Variants in TAF2 observed in about 807,000 individuals in gnomAD.
TAF2 encodes TATA-box binding protein associated factor 2.
Under a neutral mutation model 138.5 loss-of-function variants are expected in TAF2, and 61 were observed. The observed-to-expected ratio is 0.44, with a 90% CI of 0.36 to 0.54. The LOEUF (loss-of-function observed/expected upper bound fraction) is 0.54, where lower values mean the gene tolerates loss of function less well. TAF2 is among the 20% of genes least tolerant of loss of function. TAF2 has a pLI of 0.00. For missense variants in TAF2, 1,090 were observed against 1,427.9 expected (o/e 0.76, Z 3.81); for synonymous variants, 475 against 469.9 (o/e 1.01, Z -0.14).
intron 6 of TAF2, among the ~76,000 whole-genome samples, chr8:119,800,320 A>G (rs1429174302): frequency 1.3e-5 from 2 of 152,192 alleles, no homozygotes; most frequent in Non-Finnish European, 2.9e-5. Flanking sequence ...TAACTTTTGT[A>G]TAAGGTGTAA....
chr8:119,831,535 T>C (rs7828086), intron 2 of TAF2, 142 bp downstream of exon 2: 146,077 of 578,044 alleles, frequency 0.25, 21,523 homozygotes, highest in African/African-American at 0.47. Flanking sequence ...CTTGTAATCA[T>C]ACAGACCCTA....
intron 2 of TAF2, among the ~76,000 whole-genome samples, chr8:119,822,224 T>C (rs921203851): frequency 1.3e-5 from 2 of 151,938 alleles, no homozygotes; most frequent in Admixed American, 1.3e-4. Context: ...TTGCCTTTTT[T>C]TTTTCTTTTT....
At chr8:119,785,833 T>C (rs550511323) in intron 14 of TAF2, among the ~76,000 whole-genome samples, 1 of 152,304 alleles carries the variant, frequency 6.6e-6, no homozygotes, top group East Asian at 1.9e-4. Context: ...TTTTCCTGTG[T>C]TCCTCATACC....
chr8:119,828,343 C>T (rs1826229121), intron 2 of TAF2, among the ~76,000 whole-genome samples: 2 of 152,084 alleles, frequency 1.3e-5, no homozygotes, highest in African/African-American at 4.8e-5. Flanking sequence ...TCCCAAAGAA[C>T]CAAAAAGCAG....
chr8:119,809,138 C>T (rs908033374), intron 3 of TAF2, among the ~76,000 whole-genome samples: 12 of 152,186 alleles, frequency 7.9e-5, no homozygotes, highest in African/African-American at 2.4e-4. Flanking sequence ...AGTGTAGCAA[C>T]CTTCATCAAA....
chr8:119,789,841 T>A, intron 11 of TAF2, 95 bp from the exon 12 acceptor site: 1 of 1,205,334 alleles, frequency 8.3e-7, no homozygotes, highest in Non-Finnish European at 1.2e-6. Context: ...TGTAGTCAAT[T>A]ATAGAAGACA....
At chr8:119,830,067 T>A (rs1007773952) in intron 2 of TAF2, among the ~76,000 whole-genome samples, 4 of 151,414 alleles carry the variant, frequency 2.6e-5, no homozygotes, top group Non-Finnish European at 5.9e-5. Flanking sequence ...GCCGGCTAAT[T>A]TTTTGTATTT....
At chr8:119,792,032 A>C (rs1051373110) in intron 10 of TAF2, among the ~76,000 whole-genome samples, 2 of 152,206 alleles carry the variant, frequency 1.3e-5, no homozygotes, top group African/African-American at 4.8e-5. Flanking sequence ...TACGACATAC[A>C]TGAACATTTA....
At chr8:119,774,692 T>TA (rs1822097348) in intron 18 of TAF2, among the ~76,000 whole-genome samples, 1 of 152,138 alleles carries the variant, frequency 6.6e-6, no homozygotes, top group African/African-American at 2.4e-5. Context: ...TGGATTTCTT[T>TA]AAAAGCAGCA....
At chr8:119,811,805 C>CAAAAA (rs771523182) in intron 3 of TAF2, among the ~76,000 whole-genome samples, 5 of 60,294 alleles carry the variant, frequency 8.3e-5, no homozygotes, top group African/African-American at 1.3e-4. Flanking sequence ...GACTCCGTCT[C>CAAAAA]AAAAAAAAAA....
At chr8:119,828,452 C>A (rs1826234220) in intron 2 of TAF2, among the ~76,000 whole-genome samples, 1 of 152,146 alleles carries the variant, frequency 6.6e-6, no homozygotes, top group African/African-American at 2.4e-5. Context: ...CATCTGAAAT[C>A]TAGAGGATTC....
chr8:119,780,934 C>CA (rs374156089), intron 17 of TAF2, 119 bp downstream of exon 17: 41,597 of 718,412 alleles, frequency 0.058, 197 homozygotes, highest in African/African-American at 0.14. Flanking sequence ...GACTCTGTCT[C>CA]AAAAAAAAAA....
intron 2 of TAF2, among the ~76,000 whole-genome samples, chr8:119,824,594 A>C (rs774562548): frequency 6.6e-6 from 1 of 152,200 alleles, no homozygotes; most frequent in Non-Finnish European, 1.5e-5. Context: ...CCCTCCCATC[A>C]CAGGCCCGGA....
intron 2 of TAF2, among the ~76,000 whole-genome samples, chr8:119,826,452 A>C (rs187101369): frequency 5.3e-5 from 8 of 152,300 alleles, no homozygotes; most frequent in Admixed American, 3.9e-4. Flanking sequence ...TAAATTGCCC[A>C]GTTTCAGGTA....
intron 20 of TAF2, among the ~76,000 whole-genome samples, chr8:119,758,978 T>C (rs1820879385): frequency 6.6e-6 from 1 of 152,108 alleles, no homozygotes; most frequent in African/African-American, 2.4e-5. Context: ...ATCCTAATAT[T>C]AGTATTCTAT....
intron 18 of TAF2, among the ~76,000 whole-genome samples, chr8:119,765,787 T>C (rs1171972787): frequency 6.6e-6 from 1 of 152,244 alleles, no homozygotes; most frequent in African/African-American, 2.4e-5. Flanking sequence ...CAACTGCTAA[T>C]GATAGGTAAC....
At chr8:119,745,017 T>C (rs1435409164) in intron 23 of TAF2, 1 of 456,070 alleles carries the variant, frequency 2.2e-6, no homozygotes, top group African/African-American at 2.0e-5. Context: ...TGATGCTTCC[T>C]TGGCAAGGTG....
At chr8:119,831,875 T>A in intron 1 of TAF2, 144 bp from the exon 2 acceptor site, 1 of 558,586 alleles carries the variant, frequency 1.8e-6, no homozygotes, top group South Asian at 2.9e-5. Context: ...AAACTACGAA[T>A]TGGGGCCTGG....
At chr8:119,828,156 G>A (rs1253183892) in intron 2 of TAF2, among the ~76,000 whole-genome samples, 1 of 152,064 alleles carries the variant, frequency 6.6e-6, no homozygotes, top group Non-Finnish European at 1.5e-5. Context: ...GGGATCACAG[G>A]TGTTAGCCAC....
Sources: gnomAD v4.1 joint callset for allele counts (sites outside exome capture counted in the v4.1 genomes callset) on GRCh38, gnomAD v4.1.1 for gene constraint, MANE v1.5 for transcripts, NCBI Gene and HGNC (gene_info 2026-07-23, HGNC 2026-07-21) for gene names.